The following RACGAP1 variants were observed in gnomAD, a reference collection of about 807,000 sequenced individuals.
The protein encoded by RACGAP1 is Rac GTPase activating protein 1.
Under a neutral mutation model 78.1 loss-of-function variants are expected in RACGAP1, and 30 were observed. The observed-to-expected ratio is 0.38, with a 90% CI of 0.29 to 0.52. The LOEUF (loss-of-function observed/expected upper bound fraction) is 0.52. RACGAP1 is among the 20% of genes least tolerant of loss of function. The pLI is 0.82. For synonymous variants in RACGAP1, 231 were observed against 264.8 expected (o/e 0.87, Z 1.24); for missense variants, 587 against 777.1 (o/e 0.76, Z 2.91).
chr12:50,024,257 G>A (rs768084308), intron 1 of RACGAP1, among the ~76,000 whole-genome samples: 1 of 152,040 alleles, frequency 6.6e-6, no homozygotes, highest in Non-Finnish European at 1.5e-5. Flanking sequence ...ATCAACCTAA[G>A]TGTTCATCAA....
At chr12:50,017,885 G>A (rs1356135270) in intron 1 of RACGAP1, among the ~76,000 whole-genome samples, 5 of 152,162 alleles carry the variant, frequency 3.3e-5, no homozygotes, top group East Asian at 1.9e-4. Context: ...GGCTGGGCAC[G>A]GCAGCTCACG....
chr12:50,017,053 C>A, intron 1 of RACGAP1: 2 of 1,050,740 alleles, frequency 1.9e-6, no homozygotes, highest in Non-Finnish European at 2.3e-6. Context: ...TCAAGTCAAG[C>A]CTATTGATTA....
chr12:50,006,304 T>C lies in RACGAP1; in HGVS notation c.288+130A>G, dbSNP rs111816867. ...TCAGCTCTAATCATGGGCAAGCTGTTAAAGAACAGGTCACTTTCAGTTCTT... is the reference window on the plus strand; with the variant it reads ...TCAGCTCTAATCATGGGCAAGCTGTCAAAGAACAGGTCACTTTCAGTTCTT... On this transcript the variant is annotated intron_variant, in intron 3 of 16. Coordinates refer to ENST00000312377, the MANE Select transcript of RACGAP1 (RefSeq NM_001319999.2). 9.1e-4 allele frequency: 883 copies of C among 968,668 alleles called. 7 individuals carry two copies. In the African/African-American group the frequency reaches 0.013, roughly 14 times the overall value. The allele number at this position is 968,668 out of a possible 1,614,324, so 60.0% of individuals were successfully genotyped here.
At chr12:50,030,369 A>G (rs1565715592), upstream of RACGAP1, among the ~76,000 whole-genome samples, 1 of 148,656 alleles carries the variant, frequency 6.7e-6, no homozygotes, top group Non-Finnish European at 1.5e-5. Context: ...AAAAAAAAGC[A>G]GCTATATTTA....
At chr12:50,030,505 T>C (rs182637783) in intron 2 of RACGAP1, among the ~76,000 whole-genome samples, 3 of 151,980 alleles carry the variant, frequency 2.0e-5, no homozygotes, top group East Asian at 1.9e-4. Context: ...CTGCCCAACA[T>C]GGTGAAGCCC....
chr12:50,004,375 C>T (rs974018339), intron 4 of RACGAP1, 71 bp from the exon 5 acceptor site: 1 of 1,544,596 alleles, frequency 6.5e-7, no homozygotes, highest in African/African-American at 1.4e-5. Flanking sequence ...ACATTCAGAA[C>T]AAGTCCTACT....
intron 9 of RACGAP1, 94 bp downstream of exon 9, chr12:49,999,047 T>G: frequency 7.3e-6 from 10 of 1,366,494 alleles, no homozygotes; most frequent in Non-Finnish European, 9.6e-6. Flanking sequence ...ATTTGACATT[T>G]AACTTTATAA....
intron 1 of RACGAP1, chr12:50,031,907 G>C: frequency 4.0e-6 from 1 of 251,060 alleles, no homozygotes; most frequent in Non-Finnish European, 6.3e-6. Context: ...ACTGCACTTT[G>C]GGAGGCCAAG....
At chr12:50,026,040 A>T (rs1034926924), upstream of RACGAP1, among the ~76,000 whole-genome samples, 4 of 152,276 alleles carry the variant, frequency 2.6e-5, no homozygotes, top group Non-Finnish European at 5.9e-5. Flanking sequence ...AGCTCTAGAA[A>T]ACAAAAATAA....
chr12:50,013,124 A>T (rs1458320368), intron 2 of RACGAP1, among the ~76,000 whole-genome samples: 1 of 152,196 alleles, frequency 6.6e-6, no homozygotes, highest in Non-Finnish European at 1.5e-5. Flanking sequence ...CTGGAGAAGG[A>T]GGTAAAATGT....
Position 49,994,340 on chromosome 12 carries a change from G to A in RACGAP1, c.1141-11C>T, listed in dbSNP as rs747227564. 5.6e-6 allele frequency: 9 copies of A among 1,612,638 alleles called. No homozygotes were observed. The highest frequency in any genetic ancestry group is 7.6e-6 in the Non-Finnish European group (9 of 1,179,656). On this transcript the variant is annotated splice_polypyrimidine_tract_variant and intron_variant, in intron 11 of 16. Coordinates refer to ENST00000312377, the MANE Select transcript of RACGAP1 (RefSeq NM_001319999.2). Reference sequence around the variant, plus strand: ...CCTATACAGGCCTGTCTATTATCAAGATGACATTTTTATTTAAAAACCTCC... The same window carrying A: ...CCTATACAGGCCTGTCTATTATCAAAATGACATTTTTATTTAAAAACCTCC...
At chr12:49,991,120 T>C (rs1380499121) in intron 15 of RACGAP1, among the ~76,000 whole-genome samples, 1 of 152,144 alleles carries the variant, frequency 6.6e-6, no homozygotes, top group African/African-American at 2.4e-5. Context: ...GGGTCTCCAA[T>C]GCCAGTGAGA....
chr12:50,013,249 A>G (rs1404940739), intron 2 of RACGAP1, among the ~76,000 whole-genome samples: 1 of 152,202 alleles, frequency 6.6e-6, no homozygotes, highest in Non-Finnish European at 1.5e-5. Flanking sequence ...CATTTCCCAA[A>G]GTATTTTCAC....
In RACGAP1 at chr12:49,990,176, G is replaced by T; in HGVS notation, c.*92C>A. On this transcript the variant is annotated 3_prime_UTR_variant, in exon 17 of 17. Coordinates refer to ENST00000312377, the MANE Select transcript of RACGAP1 (RefSeq NM_001319999.2). ...AGTAAAAGCCTGGAGAATGCTAAAAGTAGTAATGAGTACAGGAGGCTGCAG... is the reference window on the plus strand; with the variant it reads ...AGTAAAAGCCTGGAGAATGCTAAAATTAGTAATGAGTACAGGAGGCTGCAG... The T allele has an allele frequency of 9.6e-7, 1 of 1,039,740 alleles. No individual in the cohort carries two copies. The highest frequency in any genetic ancestry group is 1.5e-6 in the Non-Finnish European group (1 of 688,114). The allele number at this position is 1,039,740 out of a possible 1,614,324, so 64.4% of individuals were successfully genotyped here.
chr12:50,002,328 C>G, intron 5 of RACGAP1, 28 bp from the exon 6 acceptor site: 1 of 1,602,234 alleles, frequency 6.2e-7, no homozygotes, highest in Non-Finnish European at 8.5e-7. Flanking sequence ...GTATTAATTT[C>G]TTTTTTTGGT....
chr12:49,996,689 T>C (rs1948309043), intron 10 of RACGAP1, among the ~76,000 whole-genome samples: 1 of 121,674 alleles, frequency 8.2e-6, no homozygotes, highest in Non-Finnish European at 1.6e-5. Flanking sequence ...TTAGTAATCA[T>C]GGAAGTTAAG....
At chr12:50,028,918 C>T (rs1007514957), upstream of RACGAP1, among the ~76,000 whole-genome samples, 2 of 151,268 alleles carry the variant, frequency 1.3e-5, no homozygotes, top group Non-Finnish European at 2.9e-5. Flanking sequence ...CCTGTCTCTA[C>T]TAACAACACA....
At chr12:49,991,305 A>G (rs1304385301) in intron 15 of RACGAP1, among the ~76,000 whole-genome samples, 1 of 151,592 alleles carries the variant, frequency 6.6e-6, no homozygotes, top group African/African-American at 2.4e-5. Context: ...GAGAAATGCT[A>G]TATTGACTAT....
intron 2 of RACGAP1, among the ~76,000 whole-genome samples, chr12:50,010,238 T>C (rs1949229473): frequency 6.6e-6 from 1 of 151,994 alleles, no homozygotes; most frequent in Non-Finnish European, 1.5e-5. Context: ...CAACAAAATA[T>C]GCTATTAAAG....
Sources: gnomAD v4.1 joint callset for allele counts (sites outside exome capture counted in the v4.1 genomes callset) on GRCh38, gnomAD v4.1.1 for gene constraint, MANE v1.5 for transcripts, NCBI Gene and HGNC (gene_info 2026-07-23, HGNC 2026-07-21) for gene names.